The following LRRC72 variants were observed in gnomAD, a reference collection of about 807,000 sequenced individuals.
LRRC72 encodes leucine-rich repeat-containing protein 72.
In LRRC72, 41 loss-of-function variants were observed where a neutral mutation model predicts 35.8. The observed-to-expected ratio is 1.15, with a 90% CI of 0.89 to 1.49. The LOEUF (loss-of-function observed/expected upper bound fraction) is 1.49. Ranked by LOEUF, LRRC72 falls within the 40% of genes most tolerant of loss-of-function variation. The probability of loss-of-function intolerance (pLI) is 0.00; values close to 1 mark genes in which losing one functional copy is unlikely to be tolerated. For missense variants in LRRC72, 389 were observed against 330.7 expected (o/e 1.18, Z -1.37); for synonymous variants, 118 against 119.2 (o/e 0.99, Z 0.07).
At chr7:16,548,449 G>A (rs1782489363) in intron 3 of LRRC72, among the ~76,000 whole-genome samples, 1 of 152,240 alleles carries the variant, frequency 6.6e-6, no homozygotes, top group African/African-American at 2.4e-5. Context: ...AGCTCCCCAA[G>A]CCAGGGCTGT....
chr7:16,570,975 T>C (rs1227593204), intron 7 of LRRC72, among the ~76,000 whole-genome samples: 3 of 151,608 alleles, frequency 2.0e-5, no homozygotes, highest in African/African-American at 4.8e-5. Flanking sequence ...TTTTTGTTTC[T>C]GTTTTTTTTT....
Position 16,567,499 on chromosome 7 carries a change from C to G in LRRC72, c.626C>G (p.Pro209Arg). 1 of 1,497,618 alleles carries G rather than the reference C, an allele frequency of 6.7e-7. No individual in the cohort carries two copies. Among genetic ancestry groups the G allele is most frequent in the Non-Finnish European group, 8.9e-7 (1 of 1,120,410 alleles). 92.8% of individuals were successfully genotyped at this position (1,497,618 alleles called of 1,614,324 possible). A position where few individuals can be genotyped will look rare whatever the true frequency, so the allele number is the denominator to read the frequency against. The change falls in exon 7 of 9, where the codon CCT becomes CGT. Residue 209 changes from proline to arginine, a missense_variant. Transcript: ENST00000401542. ...GGAAAAGTGGATGCTTCATGGGATC[C>G]TAAATCACCATTTAAGCAAAAACCA... The part of the protein sequence containing the change: ...FGGKVDASWD[P>R]KSPFKQKPAQ...
At chr7:16,534,110 T>G (rs1782212993) in intron 2 of LRRC72, among the ~76,000 whole-genome samples, 1 of 152,218 alleles carries the variant, frequency 6.6e-6, no homozygotes, top group African/African-American at 2.4e-5. Flanking sequence ...TATTTCCCAG[T>G]CCAGATGCCA....
intron 3 of LRRC72, among the ~76,000 whole-genome samples, chr7:16,552,883 C>T (rs1782579067): frequency 6.6e-6 from 1 of 152,110 alleles, no homozygotes; most frequent in Non-Finnish European, 1.5e-5. Context: ...AAGCCTGGGT[C>T]AAAGCCTACC....
chr7:16,533,594 T>A (rs1782204366), intron 2 of LRRC72, among the ~76,000 whole-genome samples: 1 of 152,146 alleles, frequency 6.6e-6, no homozygotes, highest in Non-Finnish European at 1.5e-5. Flanking sequence ...AATGCCTTAG[T>A]TTATCAACAA....
At chr7:16,559,068 C>A in intron 5 of LRRC72, 69 bp downstream of exon 5, 3 of 981,080 alleles carry the variant, frequency 3.1e-6, no homozygotes, top group Admixed American at 2.4e-5. Flanking sequence ...TTCCATTTAT[C>A]AAGTTTAAAA....
intron 7 of LRRC72, among the ~76,000 whole-genome samples, chr7:16,571,573 A>T (rs971219415): frequency 3.3e-5 from 5 of 152,160 alleles, no homozygotes; most frequent in African/African-American, 1.2e-4. Context: ...GTGTCGCCTC[A>T]CCCGGGAAGT....
intron 7 of LRRC72, among the ~76,000 whole-genome samples, chr7:16,571,786 G>C (rs1782950200): frequency 6.6e-6 from 1 of 152,200 alleles, no homozygotes; most frequent in East Asian, 1.9e-4. Context: ...CAGACACCGA[G>C]TTAGATGCAG....
At chr7:16,535,568 A>G (rs952674387) in intron 2 of LRRC72, among the ~76,000 whole-genome samples, 5 of 152,244 alleles carry the variant, frequency 3.3e-5, no homozygotes, top group African/African-American at 1.2e-4. Context: ...GGAGCAAGAT[A>G]CACACATGAT....
intron 3 of LRRC72, among the ~76,000 whole-genome samples, chr7:16,551,926 G>T (rs1446825193): frequency 6.6e-6 from 1 of 152,190 alleles, no homozygotes; most frequent in Non-Finnish European, 1.5e-5. Context: ...CATCAGAAGT[G>T]GGGTGGGGGA....
At chr7:16,564,149 T>C (rs1489761357) in intron 5 of LRRC72, among the ~76,000 whole-genome samples, 6 of 152,206 alleles carry the variant, frequency 3.9e-5, no homozygotes, top group Non-Finnish European at 5.9e-5. Flanking sequence ...ATTAACGTCA[T>C]ATGTAAAGGC....
chr7:16,537,493 T>G (rs1044272108), intron 2 of LRRC72, 134 bp from the exon 3 acceptor site: 3 of 475,318 alleles, frequency 6.3e-6, no homozygotes, highest in African/African-American at 6.1e-5. Context: ...AATAAGCAGG[T>G]GAGTGTGCCA....
intron 7 of LRRC72, among the ~76,000 whole-genome samples, chr7:16,575,979 C>A (rs1186744805): frequency 1.3e-5 from 2 of 152,106 alleles, no homozygotes; most frequent in African/African-American, 4.8e-5. Flanking sequence ...CTCTTTACTC[C>A]TTTTCATATT....
intron 7 of LRRC72, among the ~76,000 whole-genome samples, chr7:16,575,104 G>C (rs1783016615): frequency 1.4e-5 from 2 of 139,114 alleles, no homozygotes; most frequent in South Asian, 5.3e-4. Flanking sequence ...GACAGAGTAA[G>C]ACTCTGTCTC....
chr7:16,533,948 T>C (rs1782210321), intron 2 of LRRC72, among the ~76,000 whole-genome samples: 1 of 152,148 alleles, frequency 6.6e-6, no homozygotes, highest in Admixed American at 6.5e-5. Context: ...ATCACTACAG[T>C]AAGTAGATAA....
intron 2 of LRRC72, among the ~76,000 whole-genome samples, chr7:16,533,335 A>G (rs1305086571): frequency 6.6e-6 from 1 of 152,146 alleles, no homozygotes; most frequent in Non-Finnish European, 1.5e-5. Context: ...TCTATAGAGT[A>G]GAATGAGATA....
intron 1 of LRRC72, among the ~76,000 whole-genome samples, chr7:16,528,793 A>C (rs1157342815): frequency 6.6e-6 from 1 of 152,164 alleles, no homozygotes; most frequent in Non-Finnish European, 1.5e-5. Context: ...ATTGCCCCAG[A>C]AGTGAGCATA....
chr7:16,562,821 T>G (rs1204801803), intron 5 of LRRC72, among the ~76,000 whole-genome samples: 2 of 152,224 alleles, frequency 1.3e-5, no homozygotes, highest in South Asian at 2.1e-4. Flanking sequence ...CAACAGTGTT[T>G]TTCACCACTG....
At chr7:16,555,705 G>A (rs912829304) in intron 3 of LRRC72, among the ~76,000 whole-genome samples, 2 of 152,084 alleles carry the variant, frequency 1.3e-5, no homozygotes, top group Non-Finnish European at 2.9e-5. Flanking sequence ...CTAGAACCCA[G>A]GAGGCAGAGG....
Sources: allele counts gnomAD v4.1 joint callset (sites outside exome capture counted in the v4.1 genomes callset), GRCh38; gene constraint gnomAD v4.1.1; transcripts MANE v1.5; gene names NCBI Gene and HGNC (gene_info 2026-07-23, HGNC 2026-07-21).